The following SEMA7A variants were observed in gnomAD, a reference collection of about 807,000 sequenced individuals.
SEMA7A encodes semaphorin 7A (JohnMiltonHagen blood group).
SEMA7A carries 21 observed loss-of-function variants against 67.5 expected under a neutral mutation model. The ratio of observed to expected loss-of-function variants is 0.31; its 90% confidence interval spans 0.22 to 0.45. The LOEUF (loss-of-function observed/expected upper bound fraction) is 0.45. Among genes scored for constraint, SEMA7A ranks in the 20% least tolerant of loss-of-function variants. The pLI, the probability that SEMA7A is intolerant of heterozygous loss-of-function variation, is 1.00. For synonymous variants in SEMA7A, 364 were observed against 368.5 expected, an observed-to-expected ratio of 0.99 and a Z score of 0.14; for missense variants, 774 against 908.6, an observed-to-expected ratio of 0.85 and a Z score of 1.90.
chr15:74,418,776 G>T (rs566695560), intron 2 of SEMA7A, 25 bp downstream of exon 2: 7 of 1,610,100 alleles, frequency 4.3e-6, no homozygotes, highest in East Asian at 2.2e-5. Flanking sequence ...GGTAGGGGGG[G>T]TGTTGGGGGA....
In SEMA7A at chr15:74,423,212, GC is replaced by G; in HGVS notation, c.179-4261del. 6.6e-6 allele frequency among the ~76,000 whole-genome samples: 1 copy of G among 152,306 alleles called. No individual in the cohort carries two copies. Among genetic ancestry groups the G allele is most frequent in the Non-Finnish European group, 1.5e-5 (1 of 68,010 alleles). On this transcript the variant is annotated intron_variant, in intron 1 of 13. Transcript: ENST00000261918. The surrounding 1 kb of genome is among the most constrained non-coding windows in gnomAD (Gnocchi z 4.1). ...GGCAGGAGCGTCCTCCCACAGTTGTGCCCCCACCCCTGCACTGCCAGGCCTA... is the reference window on the plus strand; with the variant it reads ...GGCAGGAGCGTCCTCCCACAGTTGTGCCCCACCCCTGCACTGCCAGGCCTA...
rs550611342 is a variant in SEMA7A, at chr15:74,433,725, G to A, written c.178+16C>T. 1.4e-6 allele frequency: 2 copies of A among 1,422,582 alleles called. No homozygotes were observed. Among genetic ancestry groups the A allele is most frequent in the Admixed American group, 3.0e-5 (1 of 33,246 alleles). 88.1% of individuals were successfully genotyped at this position (1,422,582 alleles called of 1,614,324 possible). ...CGTCTGATCCCGCGCCTGACCGGCCGCGCGGCGCCGCCTACCTTTCCAGAC... is the reference window on the plus strand; with the variant it reads ...CGTCTGATCCCGCGCCTGACCGGCCACGCGGCGCCGCCTACCTTTCCAGAC... On this transcript the variant is annotated intron_variant, in intron 1 of 13. Coordinates refer to ENST00000261918, the MANE Select transcript of SEMA7A (RefSeq NM_003612.5).
chr15:74,410,110 A>G lies in SEMA7A; in HGVS notation c.*514T>C, dbSNP rs2060886644. 6.5e-6 allele frequency: 1 copy of G among 154,910 alleles called. No individual in the cohort carries two copies. Among genetic ancestry groups the G allele is most frequent in the Admixed American group, 6.5e-5 (1 of 15,346 alleles). The allele number at this position is 154,910 out of a possible 1,614,324, so 9.6% of individuals were successfully genotyped here. On this transcript the variant is annotated 3_prime_UTR_variant, in exon 14 of 14. Coordinates refer to ENST00000261918, the MANE Select transcript of SEMA7A (RefSeq NM_003612.5). The surrounding 1 kb of genome is among the most constrained non-coding windows in gnomAD (Gnocchi z 7.5). ...GCTGTCCTGTGGGACCCAGGACCAGAGAGGGAGCTGCAGAGGACAGGGCTG... is the reference window on the plus strand; with the variant it reads ...GCTGTCCTGTGGGACCCAGGACCAGGGAGGGAGCTGCAGAGGACAGGGCTG...
At position 74,410,595 on chromosome 15, in the gene SEMA7A, G is replaced by A. The variant is rs992551885; in HGVS notation, c.*29C>T. On this transcript the variant is annotated 3_prime_UTR_variant, in exon 14 of 14. Coordinates refer to ENST00000261918, the MANE Select transcript of SEMA7A (RefSeq NM_003612.5). The surrounding 1 kb of genome is among the most constrained non-coding windows in gnomAD (Gnocchi z 7.5). ...CGTTCTAGTGCCCTGGGCTGCAGAA[G>A]CCTGAGGCATGCCCAGCCTCGGGAG... 3 of 1,555,738 alleles carry A rather than the reference G, an allele frequency of 1.9e-6. No homozygotes were observed. Among genetic ancestry groups the A allele is most frequent in the Non-Finnish European group, 2.6e-6 (3 of 1,148,526 alleles).
At position 74,415,931 on chromosome 15, in the gene SEMA7A, T is replaced by C; in HGVS notation, c.856A>G (p.Lys286Glu). Residue 286 changes from lysine to glutamate, a missense_variant, in exon 8 of 14, where the codon AAA becomes GAA. Transcript: ENST00000261918. ...GCATCACTGCATACCAGCATGGCTT[T>C]CAGAAAAGTGTTCCACTTGGAGACT... ...LSVSKWNTFL[K>E]AMLVCSDAAT... 6.2e-7 allele frequency: 1 copy of C among 1,614,120 alleles called. No homozygotes were observed. Among genetic ancestry groups the C allele is most frequent in the African/African-American group, 1.3e-5 (1 of 75,034 alleles).
At chr15:74,431,837 G>A (rs1481065807) in intron 1 of SEMA7A, among the ~76,000 whole-genome samples, 1 of 152,148 alleles carries the variant, frequency 6.6e-6, no homozygotes, top group Non-Finnish European at 1.5e-5. Context: ...ACCACAGACT[G>A]TCGTTGGACA....
intron 1 of SEMA7A, among the ~76,000 whole-genome samples, chr15:74,427,785 C>T (rs1440977076): frequency 6.6e-6 from 1 of 152,200 alleles, no homozygotes; most frequent in Non-Finnish European, 1.5e-5. Context: ...CAGTCCTAGG[C>T]TACATCTGCA....
intron 2 of SEMA7A, 24 bp from the exon 3 acceptor site, chr15:74,418,333 G>A (rs1277405566): frequency 3.7e-6 from 6 of 1,611,936 alleles, no homozygotes; most frequent in African/African-American, 2.7e-5. Context: ...AGAAGCATTA[G>A]TTCAATCTGC....
At chr15:74,419,107 G>A (rs2060978063) in intron 1 of SEMA7A, among the ~76,000 whole-genome samples, 155 bp from the exon 2 acceptor site, 1 of 152,216 alleles carries the variant, frequency 6.6e-6, no homozygotes, top group Non-Finnish European at 1.5e-5. Context: ...CCCAGACTCA[G>A]AGAGTCAAGG....
At chr15:74,428,412 C>T (rs1265212581) in intron 1 of SEMA7A, among the ~76,000 whole-genome samples, 2 of 152,250 alleles carry the variant, frequency 1.3e-5, no homozygotes, top group East Asian at 3.8e-4. Flanking sequence ...TCGGGCCAGT[C>T]CCTGTCATCT....
chr15:74,422,742 G>A (rs1483088041), intron 1 of SEMA7A, among the ~76,000 whole-genome samples: 2 of 152,200 alleles, frequency 1.3e-5, no homozygotes, highest in African/African-American at 4.8e-5. Flanking sequence ...CCCTACCCTC[G>A]ATCACCACCC....
intron 1 of SEMA7A, among the ~76,000 whole-genome samples, chr15:74,424,625 G>A (rs1022467725): frequency 2.0e-5 from 3 of 152,222 alleles, no homozygotes; most frequent in Non-Finnish European, 4.4e-5. Flanking sequence ...GGCTATTGGG[G>A]AGACTGTCTG....
At chr15:74,432,076 T>G (rs1315169417) in intron 1 of SEMA7A, among the ~76,000 whole-genome samples, 1 of 67,420 alleles carries the variant, frequency 1.5e-5, no homozygotes, top group Non-Finnish European at 2.7e-5. Context: ...TGCTAAGAAG[T>G]GGGTGTGCAT....
chr15:74,419,023 A>G (rs1437987481), intron 1 of SEMA7A, 71 bp from the exon 2 acceptor site: 9 of 1,531,736 alleles, frequency 5.9e-6, no homozygotes, highest in Non-Finnish European at 7.1e-6. Flanking sequence ...TCCCCTCCAC[A>G]TGGCACACTG....
In SEMA7A at chr15:74,414,623, G is replaced by A. The variant is rs1567071430; in HGVS notation, c.1218C>T (p.Tyr406=). Residue 406 remains tyrosine, a synonymous_variant, in exon 10 of 14, where the codon TAC becomes TAT. Coordinates refer to ENST00000261918, the MANE Select transcript of SEMA7A (RefSeq NM_003612.5). This position sits in a 1 kb window ranked among gnomAD's most constrained non-coding sequence, Gnocchi z 4.1. The part of the protein sequence containing the change: ...PLKTPLFHSK[Y]HYQKVAVHRM... ...GGTGGACGGCCACTTTCTGGTAGTG[G>A]TATTTAGAGTGGAACAATGGCGTCT... The A allele has an allele frequency of 6.2e-7, 1 of 1,614,198 alleles. No homozygotes were observed.
chr15:74,417,512 T>C, intron 5 of SEMA7A, 67 bp from the exon 6 acceptor site: 2 of 1,586,868 alleles, frequency 1.3e-6, no homozygotes, highest in East Asian at 2.2e-5. Flanking sequence ...CTCCGGACAC[T>C]GGACAAAGAG....
At chr15:74,421,755 C>A (rs1160574367) in intron 1 of SEMA7A, among the ~76,000 whole-genome samples, 1 of 152,098 alleles carries the variant, frequency 6.6e-6, no homozygotes, top group Non-Finnish European at 1.5e-5. Context: ...TTGGCAGGAG[C>A]GGGGGCTGGG....
chr15:74,428,265 A>G (rs2061058891), intron 1 of SEMA7A, among the ~76,000 whole-genome samples: 1 of 152,208 alleles, frequency 6.6e-6, no homozygotes, highest in Non-Finnish European at 1.5e-5. Flanking sequence ...CTAGCAGAGG[A>G]GGAAAGGCAC....
intron 1 of SEMA7A, among the ~76,000 whole-genome samples, chr15:74,422,984 C>T (rs924346221): frequency 6.6e-6 from 1 of 152,234 alleles, no homozygotes; most frequent in Non-Finnish European, 1.5e-5. Context: ...TCTGGCAAAG[C>T]CAGCCTTGCA....
Sources: gnomAD v4.1 joint callset for allele counts (sites outside exome capture counted in the v4.1 genomes callset) on GRCh38, gnomAD v4.1.1 for gene constraint, Gnocchi (gnomAD v3.1) non-coding constraint, MANE v1.5 for transcripts, NCBI Gene and HGNC (gene_info 2026-07-23, HGNC 2026-07-21) for gene names.